PCDH15: variants seen among roughly 807,000 people sequenced by gnomAD.
The protein encoded by PCDH15 is protocadherin-15.
In PCDH15, 129 loss-of-function variants were observed where a neutral mutation model predicts 178.5. That is an observed-to-expected ratio of 0.72 (90% CI 0.63 to 0.84). The LOEUF is 0.84. PCDH15 is among the 40% of genes least tolerant of loss of function. The probability of loss-of-function intolerance (pLI) is 0.00; values close to 1 mark genes in which losing one functional copy is unlikely to be tolerated. For synonymous variants in PCDH15, 800 were observed against 732.0 expected (o/e 1.09, Z -1.50); for missense variants, 2,230 against 2,099.9 (o/e 1.06, Z -1.21).
intron 7 of PCDH15, among the ~76,000 whole-genome samples, chr10:54,319,126 A>G (rs2061443906): frequency 6.6e-6 from 1 of 152,182 alleles, no homozygotes; most frequent in African/African-American, 2.4e-5. Context: ...GAATCTGGAA[A>G]TGTTTTTACT....
At chr10:54,804,579 T>A (rs1467228326), upstream of PCDH15, among the ~76,000 whole-genome samples, 1 of 152,072 alleles carries the variant, frequency 6.6e-6, no homozygotes, top group Non-Finnish European at 1.5e-5. Flanking sequence ...AAAATGAATA[T>A]GTTTAGCAGA....
chr10:55,430,987 C>G (rs16907425), intron 2 of PCDH15, among the ~76,000 whole-genome samples: 56,914 of 151,956 alleles, frequency 0.37, 11,675 homozygotes, highest in African/African-American at 0.55. Flanking sequence ...GATTAGGCAT[C>G]ACTGGCTGGA....
At chr10:54,791,531 C>A (rs1951409281) in intron 1 of PCDH15, among the ~76,000 whole-genome samples, 1 of 151,864 alleles carries the variant, frequency 6.6e-6, no homozygotes, top group Non-Finnish European at 1.5e-5. Flanking sequence ...CTCTTCTAAG[C>A]TCTAAACTTG....
chr10:55,626,880 A>G (rs368958170), intron 2 of PCDH15, among the ~76,000 whole-genome samples: 2 of 152,172 alleles, frequency 1.3e-5, no homozygotes, highest in African/African-American at 2.4e-5. Context: ...TCATCCCTGT[A>G]TATTGCAAAA....
intron 2 of PCDH15, among the ~76,000 whole-genome samples, chr10:54,964,735 C>T (rs140822159): frequency 5.5e-4 from 84 of 152,216 alleles, no homozygotes; most frequent in African/African-American, 1.7e-3. Flanking sequence ...GGCCATTTTC[C>T]CTGGGGCTTA....
chr10:54,153,099 C>CCTTCGCT lies in PCDH15; in HGVS notation c.1778_1784dup (p.Asn596AlafsTer11). ...ACTGCATTGGTTCTAATATAAATTA[C>CCTTCGCT]CTTCGCTCTGCAGGAGGAGCATTAT... is the stretch of plus-strand genomic sequence containing the variant. On this transcript the variant is annotated frameshift_variant and splice_region_variant. Coordinates refer to ENST00000644397, the MANE Select transcript of PCDH15 (RefSeq NM_001384140.1). LOFTEE classifies it high-confidence loss of function. 1.2e-6 allele frequency: 2 copies of CCTTCGCT among 1,613,624 alleles called. No homozygotes were observed. The highest frequency in any genetic ancestry group is 1.7e-6 in the Non-Finnish European group (2 of 1,179,756).
chr10:54,925,599 T>C (rs1837600212), intron 2 of PCDH15, among the ~76,000 whole-genome samples: 1 of 152,178 alleles, frequency 6.6e-6, no homozygotes. Flanking sequence ...TCCATTTGTT[T>C]GTGTCATCTG....
At chr10:54,778,863 T>C (rs1210172916) in intron 1 of PCDH15, among the ~76,000 whole-genome samples, 2 of 152,062 alleles carry the variant, frequency 1.3e-5, no homozygotes, top group African/African-American at 4.8e-5. Context: ...TAATTCACAT[T>C]AAGTTGAGGC....
chr10:55,416,604 T>C (rs1838490461), intron 2 of PCDH15, among the ~76,000 whole-genome samples: 1 of 151,476 alleles, frequency 6.6e-6, no homozygotes, highest in South Asian at 2.1e-4. Context: ...ATGGAGCAAT[T>C]TGAAGGATAA....
intron 3 of PCDH15, among the ~76,000 whole-genome samples, chr10:54,382,568 T>C (rs934080419): frequency 6.6e-6 from 1 of 152,208 alleles, no homozygotes; most frequent in African/African-American, 2.4e-5. Flanking sequence ...CCCATGTATA[T>C]GATTATGTGG....
At chr10:53,927,227 T>C (rs1158291875) in intron 25 of PCDH15, among the ~76,000 whole-genome samples, 1 of 151,998 alleles carries the variant, frequency 6.6e-6, no homozygotes, top group African/African-American at 2.4e-5. Flanking sequence ...CACAAAACCT[T>C]TACCAATCCA....
chr10:55,548,825 G>C (rs1272490861), intron 2 of PCDH15, among the ~76,000 whole-genome samples: 3 of 152,136 alleles, frequency 2.0e-5, no homozygotes, highest in Non-Finnish European at 2.9e-5. Flanking sequence ...AAGAATTCAG[G>C]AAGTAAGGGT....
chr10:55,144,589 T>C (rs1049496174), intron 2 of PCDH15, among the ~76,000 whole-genome samples: 19 of 152,168 alleles, frequency 1.2e-4, no homozygotes, highest in African/African-American at 4.3e-4. Context: ...AAAATAAGGT[T>C]AGACCCAGAG....
chr10:54,163,494 A>G (rs910794786), intron 13 of PCDH15, among the ~76,000 whole-genome samples: 1 of 152,078 alleles, frequency 6.6e-6, no homozygotes, highest in Non-Finnish European at 1.5e-5. Flanking sequence ...TGAGAATAGC[A>G]TGGGAGAAAT....
chr10:54,807,907 CTG>C (rs1350881953), intron 3 of PCDH15, among the ~76,000 whole-genome samples: 1 of 151,238 alleles, frequency 6.6e-6, no homozygotes, highest in African/African-American at 2.4e-5. Context: ...CATTGACAGC[CTG>C]TGGAAAAATT....
At chr10:54,507,630 T>C (rs2081281617) in intron 3 of PCDH15, among the ~76,000 whole-genome samples, 1 of 151,928 alleles carries the variant, frequency 6.6e-6, no homozygotes, top group African/African-American at 2.4e-5. Flanking sequence ...CAAGCGGTAA[T>C]GGTGGATATG....
chr10:53,861,236 T>C (rs780856288), intron 27 of PCDH15, among the ~76,000 whole-genome samples: 1 of 152,176 alleles, frequency 6.6e-6, no homozygotes, highest in Non-Finnish European at 1.5e-5. Context: ...GAAATTTGCA[T>C]GTCAGTTTAT....
At chr10:53,854,156 T>C (rs966036194) in intron 28 of PCDH15, among the ~76,000 whole-genome samples, 2 of 151,882 alleles carry the variant, frequency 1.3e-5, no homozygotes, top group Non-Finnish European at 2.9e-5. Context: ...AATAATCCAA[T>C]CACAAAATGA....
chr10:55,488,658 A>C (rs982975200), intron 2 of PCDH15, among the ~76,000 whole-genome samples: 2 of 151,596 alleles, frequency 1.3e-5, no homozygotes, highest in African/African-American at 4.8e-5. Flanking sequence ...TTAGGATAAA[A>C]GCTGAAAAAG....
Sources: allele counts gnomAD v4.1 joint callset (sites outside exome capture counted in the v4.1 genomes callset), GRCh38; gene constraint gnomAD v4.1.1; transcripts MANE v1.5; gene names NCBI Gene and HGNC (gene_info 2026-07-23, HGNC 2026-07-21).